Variants in NAV3 observed in about 807,000 individuals in gnomAD.
The protein encoded by NAV3 is neuron navigator 3.
Under a neutral mutation model 244.7 loss-of-function variants are expected in NAV3, and 87 were observed. The observed-to-expected ratio is 0.36, with a 90% CI of 0.30 to 0.42. The LOEUF is 0.42. Ranked by LOEUF, NAV3 falls within the 20% of genes least tolerant of loss-of-function variation. The pLI, the probability that NAV3 is intolerant of heterozygous loss-of-function variation, is 1.00. For synonymous variants in NAV3, 1,126 were observed against 1,042.2 expected, an observed-to-expected ratio of 1.08 and a Z score of -1.55; for missense variants, 2,663 against 2,893.3, an observed-to-expected ratio of 0.92 and a Z score of 1.83.
intron 23 of NAV3, among the ~76,000 whole-genome samples, chr12:78,165,620 A>T (rs1957748505): frequency 6.6e-6 from 1 of 151,898 alleles, no homozygotes; most frequent in Non-Finnish European, 1.5e-5. Context: ...TATTAGTTGC[A>T]TCTGAAGGCC....
rs761754268 is a variant in NAV3 at position 78,177,604 on chromosome 12, C to T, written c.5298-16C>T. ...GGCATTTGTCCATGTATCTGTCTAA[C>T]TGTATGTACATACAGGTCACCCCTT... On this transcript the variant is annotated splice_polypyrimidine_tract_variant and intron_variant, in intron 27 of 39. Transcript: ENST00000397909. 112 of 1,595,366 alleles carry T rather than the reference C, an allele frequency of 7.0e-5. No homozygotes were observed. The highest frequency in any genetic ancestry group is 9.3e-5 in the Non-Finnish European group (109 of 1,177,740).
chr12:77,710,659 G>A (rs1413384719), intron 2 of NAV3, among the ~76,000 whole-genome samples: 1 of 152,072 alleles, frequency 6.6e-6, no homozygotes, highest in Non-Finnish European at 1.5e-5. Context: ...GACTTTTTGA[G>A]AACTAAGTCA....
chr12:78,038,942 T>A (rs1880386437), intron 9 of NAV3, among the ~76,000 whole-genome samples: 1 of 152,162 alleles, frequency 6.6e-6, no homozygotes, highest in Admixed American at 6.5e-5. Flanking sequence ...TGCCTTTTTG[T>A]GCATAAATAA....
At chr12:77,659,508 G>A (rs1394715745) in intron 2 of NAV3, among the ~76,000 whole-genome samples, 1 of 152,214 alleles carries the variant, frequency 6.6e-6, no homozygotes, top group Non-Finnish European at 1.5e-5. Flanking sequence ...TTACACTGTT[G>A]TTGGGACTGT....
intron 2 of NAV3, among the ~76,000 whole-genome samples, chr12:77,655,387 G>A (rs371640581): frequency 6.6e-6 from 1 of 152,162 alleles, no homozygotes; most frequent in Non-Finnish European, 1.5e-5. Flanking sequence ...GAAGTGAAGC[G>A]AGAAGGGAAG....
intron 28 of NAV3, among the ~76,000 whole-genome samples, chr12:78,178,214 C>T (rs1334624551): frequency 4.1e-5 from 6 of 147,762 alleles, no homozygotes; most frequent in East Asian, 4.0e-4. Flanking sequence ...AGCTCGAGTG[C>T]GATGTCAAGA....
intron 2 of NAV3, among the ~76,000 whole-genome samples, chr12:77,792,614 G>A (rs1192746226): frequency 2.6e-5 from 4 of 152,288 alleles, no homozygotes; most frequent in Non-Finnish European, 5.9e-5. Context: ...GGATTCCTTC[G>A]ATGGGCAATT....
intron 2 of NAV3, among the ~76,000 whole-genome samples, chr12:77,799,049 C>A (rs987946894): frequency 1.3e-5 from 2 of 152,186 alleles, no homozygotes; most frequent in Admixed American, 6.5e-5. Flanking sequence ...ACATGTATGG[C>A]AGTTGGTACT....
chr12:77,622,350 AG>A (rs954836952), intron 2 of NAV3, among the ~76,000 whole-genome samples: 3 of 151,518 alleles, frequency 2.0e-5, no homozygotes, highest in Non-Finnish European at 2.9e-5. Flanking sequence ...TAGTAGAGAC[AG>A]GGTTTCACCG....
intron 18 of NAV3, among the ~76,000 whole-genome samples, chr12:78,136,747 A>G (rs977926577): frequency 4.1e-4 from 63 of 152,216 alleles, no homozygotes; most frequent in Non-Finnish European, 7.4e-5. Context: ...GGAAGCATTT[A>G]AAGCCCTTCT....
chr12:77,757,351 G>T (rs1277554256), intron 2 of NAV3, among the ~76,000 whole-genome samples: 1 of 152,130 alleles, frequency 6.6e-6, no homozygotes, highest in Non-Finnish European at 1.5e-5. Context: ...GGGAGGGGTG[G>T]CACTAAAATA....
intron 15 of NAV3, 111 bp from the exon 16 acceptor site, chr12:78,121,829 T>C: frequency 1.5e-6 from 2 of 1,352,242 alleles, no homozygotes; most frequent in Non-Finnish European, 2.0e-6. Context: ...GGAAGTGCTT[T>C]GTAGTTCAGT....
chr12:78,176,478 C>A lies in NAV3; in HGVS notation c.5124+19C>A. The A allele has an allele frequency of 6.2e-7, 1 of 1,612,050 alleles. No individual in the cohort carries two copies. Among genetic ancestry groups the A allele is most frequent in the Non-Finnish European group, 8.5e-7 (1 of 1,178,882 alleles). On this transcript the variant is annotated intron_variant, in intron 26 of 39. Transcript: ENST00000397909. ...AAGTGAGGTGAATATAAACCGTGGA[C>A]AATTTGGCATGCATCTATAAAAAAA...
chr12:77,983,107 G>A (rs1445648499), intron 5 of NAV3, among the ~76,000 whole-genome samples: 2 of 152,174 alleles, frequency 1.3e-5, no homozygotes, highest in Non-Finnish European at 2.9e-5. Flanking sequence ...TGGAAGTTGT[G>A]AACTCTATGC....
At chr12:77,936,321 C>A (rs552751326) in intron 1 of NAV3, among the ~76,000 whole-genome samples, 1 of 152,276 alleles carries the variant, frequency 6.6e-6, no homozygotes, top group South Asian at 2.1e-4. Context: ...TAAACGCAAT[C>A]TCAGTAATTC....
At chr12:77,856,495 TA>T (rs1041139749) in intron 1 of NAV3, among the ~76,000 whole-genome samples, 8 of 152,168 alleles carry the variant, frequency 5.3e-5, no homozygotes, top group African/African-American at 1.9e-4. Context: ...TTTATTTGAA[TA>T]AGACTATATT....
At chr12:77,654,772 G>C (rs751264641) in intron 2 of NAV3, among the ~76,000 whole-genome samples, 2 of 147,190 alleles carry the variant, frequency 1.4e-5, no homozygotes, top group African/African-American at 5.3e-5. Flanking sequence ...CCAGAGGAAC[G>C]ATCAGACAGC....
chr12:78,181,542 A>G (rs1958498895), intron 30 of NAV3, among the ~76,000 whole-genome samples: 1 of 152,092 alleles, frequency 6.6e-6, no homozygotes, highest in African/African-American at 2.4e-5. Flanking sequence ...AGTACTAGTG[A>G]TGGAACAAGG....
At chr12:77,857,620 TTA>T (rs532311870) in intron 1 of NAV3, among the ~76,000 whole-genome samples, 2 of 151,358 alleles carry the variant, frequency 1.3e-5, no homozygotes, top group African/African-American at 2.4e-5. Context: ...TTATCTGTAA[TTA>T]TATATATATA....
Sources: allele counts gnomAD v4.1 joint callset (sites outside exome capture counted in the v4.1 genomes callset), GRCh38; gene constraint gnomAD v4.1.1; transcripts MANE v1.5; gene names NCBI Gene and HGNC (gene_info 2026-07-23, HGNC 2026-07-21).